Variants in RETSAT observed in about 807,000 individuals in gnomAD.
RETSAT encodes the protein all-trans-retinol 13,14-reductase.
In RETSAT, 35 loss-of-function variants were observed where a neutral mutation model predicts 61.6. That is an observed-to-expected ratio of 0.57 (90% CI 0.43 to 0.75). The LOEUF is 0.75. Ranked by LOEUF, RETSAT falls within the 30% of genes least tolerant of loss-of-function variation. RETSAT has a pLI of 0.00. For synonymous variants in RETSAT, 277 were observed against 310.4 expected (o/e 0.89, Z 1.13); for missense variants, 670 against 759.5 (o/e 0.88, Z 1.38).
At position 85,346,071 on chromosome 2, in the gene RETSAT, C is replaced by A; in HGVS notation, c.1021G>T (p.Glu341Ter). ...ATGGGGCAATAGATGTTCACCAGCTCATGCCCCTTCTTCACACTGACACCT... is the reference window on the plus strand; with the variant it reads ...ATGGGGCAATAGATGTTCACCAGCTAATGCCCCTTCTTCACACTGACACCT... Reference protein sequence around the residue: ...ACGVSVKKGHELVNIYCPIVV... With the variant: ...ACGVSVKKGH Residue 341 changes from glutamate to a stop codon, truncating the protein, a stop_gained, in exon 6 of 11, where the codon GAG becomes TAG. Coordinates refer to ENST00000295802, the MANE Select transcript of RETSAT (RefSeq NM_017750.4). LOFTEE classifies it high-confidence loss of function. 1.2e-6 allele frequency: 2 copies of A among 1,612,988 alleles called. No individual in the cohort carries two copies. The highest frequency in any genetic ancestry group is 1.7e-6 in the Non-Finnish European group (2 of 1,179,022).
intron 1 of RETSAT, among the ~76,000 whole-genome samples, chr2:85,353,298 CA>C (rs1683345991): frequency 6.6e-6 from 1 of 152,168 alleles, no homozygotes; most frequent in African/African-American, 2.4e-5. Flanking sequence ...ACTAAAAATA[CA>C]AAAATTAGCT....
At chr2:85,348,492 C>A (rs898707453) in intron 5 of RETSAT, among the ~76,000 whole-genome samples, 5 of 151,444 alleles carry the variant, frequency 3.3e-5, no homozygotes, top group Non-Finnish European at 7.4e-5. Context: ...ATTAGCTGGG[C>A]GTGGTGGCGG....
At chr2:85,352,756 C>T (rs1683321706) in intron 1 of RETSAT, among the ~76,000 whole-genome samples, 1 of 152,174 alleles carries the variant, frequency 6.6e-6, no homozygotes, top group Admixed American at 6.5e-5. Flanking sequence ...GTGGCTCTTC[C>T]AGGTCCTGAT....
chr2:85,354,051 G>C, intron 1 of RETSAT, among the ~76,000 whole-genome samples: 1 of 152,144 alleles, frequency 6.6e-6, no homozygotes, highest in Admixed American at 6.5e-5. Context: ...TCAGTTCCAC[G>C]AGCCACGGGG....
In RETSAT at chr2:85,351,319, A is replaced by T. The variant is rs549185140; in HGVS notation, c.356-298T>A. Reference sequence around the variant, plus strand: ...GGGAGGTGGATCACTTGAGGTCAGGAGTTCGAGACCAGCCTGGACAACATG... The same window carrying T: ...GGGAGGTGGATCACTTGAGGTCAGGTGTTCGAGACCAGCCTGGACAACATG... On this transcript the variant is annotated intron_variant, in intron 2 of 10. Transcript: ENST00000295802. The T allele has an allele frequency of 5.0e-4, 233 of 465,570 alleles. 1 individual carries two copies. Among genetic ancestry groups the T allele is most frequent in the African/African-American group, 4.0e-3 (207 of 51,372 alleles). The allele number at this position is 465,570 out of a possible 1,614,324, so 28.8% of individuals were successfully genotyped here.
At position 85,344,593 on chromosome 2, in the gene RETSAT, C is replaced by A. The variant is rs757469247; in HGVS notation, c.1256+1G>T. ...CACATACACACACACGTGCACCTTA[C>A]GCCTGGTCCATGTCCGTGTCATAGT... On this transcript the variant is annotated splice_donor_variant, in intron 7 of 10. Coordinates refer to ENST00000295802, the MANE Select transcript of RETSAT (RefSeq NM_017750.4). LOFTEE classifies it high-confidence loss of function. The A allele has an allele frequency of 1.2e-6, 2 of 1,614,072 alleles. No individual in the cohort carries two copies. The highest frequency in any genetic ancestry group is 2.2e-5 in the South Asian group (2 of 91,068).
At chr2:85,345,100 A>T (rs3755019) in intron 6 of RETSAT, among the ~76,000 whole-genome samples, 88,493 of 151,740 alleles carry the variant, frequency 0.58, 26,315 homozygotes, top group East Asian at 0.89. Flanking sequence ...CTGTGCACCA[A>T]GCCCGACCTC....
In RETSAT at chr2:85,344,068, G is replaced by C. The variant is rs770856907; in HGVS notation, c.1464C>G (p.Thr488=). 1 of 1,614,054 alleles carries C rather than the reference G, an allele frequency of 6.2e-7. No individual in the cohort carries two copies. Among genetic ancestry groups the C allele is most frequent in the Non-Finnish European group, 8.5e-7 (1 of 1,180,034 alleles). Reference sequence around the variant, plus strand: ...AGGCTTCCACAAAGGAGTTTTTGAAGGTCTCATAGTCACTGCCCCGCTTTC... The same window carrying C: ...AGGCTTCCACAAAGGAGTTTTTGAACGTCTCATAGTCACTGCCCCGCTTTC... ...LKGKRGSDYE[T]FKNSFVEASM... is the part of the protein sequence containing the mutation. The change falls in exon 9 of 11, where the codon ACC becomes ACG. Residue 488 remains threonine (T), a synonymous_variant. Coordinates refer to ENST00000295802, the MANE Select transcript of RETSAT (RefSeq NM_017750.4).
rs543321418 is a variant in RETSAT, at chr2:85,344,701, G to T, written c.1149C>A (p.Pro383=). 1 of 1,614,134 alleles carries T rather than the reference G, an allele frequency of 6.2e-7. No individual in the cohort carries two copies. Among genetic ancestry groups the T allele is most frequent in the East Asian group, 2.2e-5 (1 of 44,864 alleles). The change falls in exon 7 of 11, where the codon CCC becomes CCA. Residue 383 remains proline (P), a synonymous_variant. Transcript: ENST00000295802. Reference sequence around the variant, plus strand: ...TGAAAACAGAGGTCATGCCTAAGCCGGGCCGCACCGTCCCCAGTTGCTGCT... The same window carrying T: ...TGAAAACAGAGGTCATGCCTAAGCCTGGCCGCACCGTCCCCAGTTGCTGCT... ...GVKQQLGTVR[P]GLGMTSVFIC...
chr2:85,349,598 G>C lies in RETSAT; in HGVS notation c.800-17C>G. On this transcript the variant is annotated splice_polypyrimidine_tract_variant and intron_variant, in intron 4 of 10. Transcript: ENST00000295802. ...GGGTGACACCTGCAGAAGCAAGGAA[G>C]GGTGGTGAGCTGGCAAGAGAAGGCA... 6.2e-7 allele frequency: 1 copy of C among 1,612,012 alleles called. No individual in the cohort carries two copies. The highest frequency in any genetic ancestry group is 8.5e-7 in the Non-Finnish European group (1 of 1,178,144).
intron 2 of RETSAT, 92 bp downstream of exon 2, chr2:85,351,585 AAAC>A: frequency 1.6e-6 from 2 of 1,286,576 alleles, no homozygotes; most frequent in Non-Finnish European, 2.2e-6. Flanking sequence ...GGCACTTCCA[AAAC>A]AACAGAAATG....
At chr2:85,352,689 G>A (rs927490721) in intron 1 of RETSAT, among the ~76,000 whole-genome samples, 1 of 152,152 alleles carries the variant, frequency 6.6e-6, no homozygotes, top group African/African-American at 2.4e-5. Context: ...CCCACAAGCC[G>A]GGTTTCTTTG....
In RETSAT at chr2:85,344,344, C is replaced by G. The variant is rs1191121804; in HGVS notation, c.1261G>C (p.Glu421Gln). ...YYDTDMDQAM[E>Q]RYVSMPREEA... ...TCCCTGGGCATGGAGACGTAGCGCTCCATCCTGCATGTGACAAGAGTGTGG... is the reference window on the plus strand; with the variant it reads ...TCCCTGGGCATGGAGACGTAGCGCTGCATCCTGCATGTGACAAGAGTGTGG... Residue 421 changes from glutamate to glutamine, a missense_variant, in exon 8 of 11, where the codon GAG becomes CAG. Glu to Gln is a conservative substitution (Grantham distance 29). Coordinates refer to ENST00000295802, the MANE Select transcript of RETSAT (RefSeq NM_017750.4). 1 of 1,613,846 alleles carries G rather than the reference C, an allele frequency of 6.2e-7. No individual in the cohort carries two copies. Among genetic ancestry groups the G allele is most frequent in the African/African-American group, 1.3e-5 (1 of 74,904 alleles).
intron 1 of RETSAT, among the ~76,000 whole-genome samples, chr2:85,352,513 G>A (rs1416305860): frequency 6.6e-6 from 1 of 151,884 alleles, no homozygotes; most frequent in Non-Finnish European, 1.5e-5. Flanking sequence ...GCCTCCCAAA[G>A]TGCTGGGATT....
At chr2:85,351,933 A>G (rs1683305999) in intron 1 of RETSAT, 71 bp from the exon 2 acceptor site, 1 of 1,400,330 alleles carries the variant, frequency 7.1e-7, no homozygotes, top group Non-Finnish European at 9.8e-7. Context: ...GGGAAACCAA[A>G]GAAGACTTCT....
At chr2:85,350,643 T>C in intron 3 of RETSAT, 137 bp downstream of exon 3, 1 of 1,004,284 alleles carries the variant, frequency 1.0e-6, no homozygotes. Context: ...GGGTGGAGGC[T>C]GAGCTAAGAA....
intron 5 of RETSAT, among the ~76,000 whole-genome samples, chr2:85,348,630 C>CAAAAAA (rs11400450): frequency 2.1e-3 from 90 of 43,654 alleles, no homozygotes; most frequent in Non-Finnish European, 3.3e-3. Flanking sequence ...GACTCCAACT[C>CAAAAAA]AAAAAAAAAA....
chr2:85,350,263 G>A (rs780959080), intron 3 of RETSAT, 22 bp from the exon 4 acceptor site: 5 of 1,589,444 alleles, frequency 3.1e-6, no homozygotes, highest in Non-Finnish European at 4.3e-6. Context: ...AATGAGGACA[G>A]CAGGCCTCAC....
intron 5 of RETSAT, 97 bp downstream of exon 5, chr2:85,349,287 G>T: frequency 8.7e-7 from 1 of 1,152,752 alleles, no homozygotes; most frequent in South Asian, 1.3e-5. Context: ...TCCATGAGGA[G>T]GTCAGTTCTC....
Sources: gnomAD v4.1 joint callset for allele counts (sites outside exome capture counted in the v4.1 genomes callset) on GRCh38, gnomAD v4.1.1 for gene constraint, MANE v1.5 for transcripts, NCBI Gene and HGNC (gene_info 2026-07-23, HGNC 2026-07-21) for gene names.